PCDH15: variants seen among roughly 807,000 people sequenced by gnomAD.
PCDH15 encodes the protein protocadherin-15.
In PCDH15, 129 loss-of-function variants were observed where a neutral mutation model predicts 178.5. The observed-to-expected ratio is 0.72, with a 90% CI of 0.63 to 0.84. The LOEUF (loss-of-function observed/expected upper bound fraction) is 0.84, where lower values mean the gene tolerates loss of function less well. Among genes scored for constraint, PCDH15 ranks in the 40% least tolerant of loss-of-function variants. The pLI, the probability that PCDH15 is intolerant of heterozygous loss-of-function variation, is 0.00. For synonymous variants in PCDH15, 800 were observed against 732.0 expected, an observed-to-expected ratio of 1.09 and a Z score of -1.50; for missense variants, 2,230 against 2,099.9, an observed-to-expected ratio of 1.06 and a Z score of -1.21.
intron 1 of PCDH15, among the ~76,000 whole-genome samples, chr10:55,173,108 A>T (rs1303045039): frequency 6.6e-6 from 1 of 151,996 alleles, no homozygotes; most frequent in Non-Finnish European, 1.5e-5. Flanking sequence ...AATTCTGCAA[A>T]AAATTGATTT....
intron 7 of PCDH15, among the ~76,000 whole-genome samples, chr10:54,323,769 T>C (rs576720818): frequency 1.3e-5 from 2 of 151,332 alleles, no homozygotes; most frequent in South Asian, 4.2e-4. Context: ...GCTGACCACC[T>C]GAGTGCAATA....
intron 23 of PCDH15, 131 bp downstream of exon 23, chr10:53,959,601 T>C (rs551455400): frequency 1.5e-6 from 1 of 669,000 alleles, no homozygotes; most frequent in East Asian, 2.8e-5. Flanking sequence ...CTATATTTTA[T>C]GTTAATTTAG....
At chr10:55,334,431 C>T (rs940269518) in intron 2 of PCDH15, among the ~76,000 whole-genome samples, 16 of 150,884 alleles carry the variant, frequency 1.1e-4, no homozygotes, top group African/African-American at 3.7e-4. Context: ...CCTCAGCCCC[C>T]CAAGTAGGTG....
intron 2 of PCDH15, among the ~76,000 whole-genome samples, chr10:55,493,121 G>A (rs1466488566): frequency 1.3e-5 from 2 of 151,472 alleles, no homozygotes; most frequent in African/African-American, 4.8e-5. Context: ...GGGAGGGACA[G>A]AAAAATATTC....
intron 1 of PCDH15, among the ~76,000 whole-genome samples, chr10:55,288,886 T>C (rs1477225340): frequency 6.6e-6 from 1 of 151,664 alleles, no homozygotes; most frequent in Non-Finnish European, 1.5e-5. Flanking sequence ...TATATATATA[T>C]ATCTAGAACT....
rs546355372 is a variant in PCDH15, at chr10:54,707,785, A to T, written c.-28-43495T>A. ...TGCTTAGGGTTGAGTATACAAAGAT[A>T]AAAAAAACCACATGCTGGCTGTTTC... is the stretch of plus-strand genomic sequence containing the variant. On this transcript the variant is annotated intron_variant, in intron 1 of 37. Transcript: ENST00000644397. 3.9e-5 allele frequency among the ~76,000 whole-genome samples: 6 copies of T among 152,056 alleles called. No individual in the cohort carries two copies. In the East Asian group the frequency reaches 1.2e-3, roughly 29 times the overall value.
intron 3 of PCDH15, among the ~76,000 whole-genome samples, chr10:54,834,473 C>A (rs1162110343): frequency 1.3e-5 from 2 of 151,924 alleles, no homozygotes; most frequent in Non-Finnish European, 2.9e-5. Context: ...CCACTGCGCC[C>A]AGCTTATTAC....
At chr10:54,767,803 CA>C (rs1339352698) in intron 1 of PCDH15, among the ~76,000 whole-genome samples, 5 of 152,064 alleles carry the variant, frequency 3.3e-5, no homozygotes, top group African/African-American at 1.2e-4. Flanking sequence ...TCAAGGTCAT[CA>C]AAAACAAAGT....
chr10:54,081,843 A>T (rs1314796740), intron 16 of PCDH15, among the ~76,000 whole-genome samples: 1 of 151,968 alleles, frequency 6.6e-6, no homozygotes, highest in African/African-American at 2.4e-5. Context: ...GTGGAAATGG[A>T]GAAGACAGCC....
intron 21 of PCDH15, among the ~76,000 whole-genome samples, chr10:53,980,671 G>C (rs951643991): frequency 1.1e-4 from 17 of 152,158 alleles, no homozygotes; most frequent in African/African-American, 4.1e-4. Context: ...CAGCAAAATA[G>C]TTCTTCTTAT....
At chr10:55,561,143 G>C (rs962232817) in intron 2 of PCDH15, among the ~76,000 whole-genome samples, 5 of 151,712 alleles carry the variant, frequency 3.3e-5, no homozygotes, top group African/African-American at 1.2e-4. Flanking sequence ...CAAAGGTTAA[G>C]AAATTAATCT....
chr10:54,937,444 T>C (rs1265483232), intron 2 of PCDH15, among the ~76,000 whole-genome samples: 3 of 152,028 alleles, frequency 2.0e-5, no homozygotes, highest in Non-Finnish European at 4.4e-5. Flanking sequence ...TCCTAATCCC[T>C]GAACATAAGA....
intron 25 of PCDH15, among the ~76,000 whole-genome samples, chr10:53,915,504 G>A (rs2083456819): frequency 1.3e-5 from 2 of 152,160 alleles, no homozygotes; most frequent in African/African-American, 4.8e-5. Context: ...TTGGCTGATA[G>A]GTTAATAACT....
intron 26 of PCDH15, among the ~76,000 whole-genome samples, chr10:53,898,071 AATC>A (rs879672882): frequency 0.51 from 75,478 of 147,842 alleles, 20,694 homozygotes; most frequent in Middle Eastern, 0.71. Context: ...GGTTCATGCC[AATC>A]TCCTGCCTCA....
intron 1 of PCDH15, among the ~76,000 whole-genome samples, chr10:55,225,344 C>T (rs1017771399): frequency 6.6e-6 from 1 of 152,098 alleles, no homozygotes; most frequent in East Asian, 1.9e-4. Flanking sequence ...AAGTTACATG[C>T]TCCCAACCCT....
intron 5 of PCDH15, among the ~76,000 whole-genome samples, chr10:54,347,607 A>G (rs1294446975): frequency 6.6e-6 from 1 of 152,076 alleles, no homozygotes; most frequent in South Asian, 2.1e-4. Flanking sequence ...CTGAAAATTC[A>G]CATTTTACAA....
At chr10:54,803,699 A>G (rs975792232), upstream of PCDH15, among the ~76,000 whole-genome samples, 1 of 152,230 alleles carries the variant, frequency 6.6e-6, no homozygotes, top group Non-Finnish European at 1.5e-5. Context: ...AGTCTGATAC[A>G]CAGGAGTTGC....
rs540733368 is a variant in PCDH15 at position 54,943,194 on chromosome 10, C to A, written c.-79-45694G>T. 2.0e-5 allele frequency among the ~76,000 whole-genome samples: 3 copies of A among 152,082 alleles called. No individual in the cohort carries two copies. The South Asian group carries it at 6.2e-4, about 32-fold the overall frequency. ...AAAGCTACCTTTCTTTCTAGAGACTCTAGAGGAGAATGTGTTTCATTGACA... is the reference window on the plus strand; with the variant it reads ...AAAGCTACCTTTCTTTCTAGAGACTATAGAGGAGAATGTGTTTCATTGACA... On this transcript the variant is annotated intron_variant, in intron 2 of 5. Transcript: ENST00000458638.
chr10:54,624,756 T>A (rs1319991333), intron 2 of PCDH15, among the ~76,000 whole-genome samples: 1 of 152,126 alleles, frequency 6.6e-6, no homozygotes, highest in Non-Finnish European at 1.5e-5. Context: ...CAGTATTAGA[T>A]TCTCATAGTA....
Sources: gnomAD v4.1 joint callset for allele counts (sites outside exome capture counted in the v4.1 genomes callset) on GRCh38, gnomAD v4.1.1 for gene constraint, MANE v1.5 for transcripts, NCBI Gene and HGNC (gene_info 2026-07-23, HGNC 2026-07-21) for gene names.